RGL1: variants seen among roughly 807,000 people sequenced by gnomAD.
The protein encoded by RGL1 is ral guanine nucleotide dissociation stimulator like 1.
Under a neutral mutation model 95.2 loss-of-function variants are expected in RGL1, and 24 were observed. The observed-to-expected ratio is 0.25, with a 90% CI of 0.18 to 0.35. RGL1 has a LOEUF of 0.35. Ranked by LOEUF, RGL1 falls within the 10% of genes least tolerant of loss-of-function variation. The pLI is 1.00. For synonymous variants in RGL1, 329 were observed against 344.9 expected, an observed-to-expected ratio of 0.95 and a Z score of 0.51; for missense variants, 715 against 936.3, an observed-to-expected ratio of 0.76 and a Z score of 3.08.
chr1:183,755,986 C>A (rs10797906), intron 2 of RGL1, among the ~76,000 whole-genome samples: 2 of 150,708 alleles, frequency 1.3e-5, no homozygotes, highest in Admixed American at 6.6e-5. Flanking sequence ...CGGGTTCAAG[C>A]GAGTCTCCTG....
At chr1:183,767,769 A>G (rs1279530039) in intron 2 of RGL1, among the ~76,000 whole-genome samples, 2 of 152,306 alleles carry the variant, frequency 1.3e-5, no homozygotes, top group South Asian at 2.1e-4. Context: ...CCTGGCCAAC[A>G]TAGTGAAACC....
chr1:183,862,613 T>C (rs1046516028), intron 3 of RGL1, among the ~76,000 whole-genome samples: 11 of 152,268 alleles, frequency 7.2e-5, no homozygotes, highest in African/African-American at 2.7e-4. Context: ...TTAAAACTTT[T>C]ATGCTCCTAA....
At chr1:183,856,789 C>A (rs1332822186) in intron 3 of RGL1, among the ~76,000 whole-genome samples, 4 of 151,890 alleles carry the variant, frequency 2.6e-5, no homozygotes, top group Non-Finnish European at 5.9e-5. Flanking sequence ...GTGTGAAAAT[C>A]TTTGGGTATG....
At chr1:183,677,109 G>A (rs1211933665) in intron 1 of RGL1, among the ~76,000 whole-genome samples, 1 of 151,422 alleles carries the variant, frequency 6.6e-6, no homozygotes, top group African/African-American at 2.4e-5. Flanking sequence ...TTTACCTATT[G>A]TCCTGGCATA....
intron 2 of RGL1, among the ~76,000 whole-genome samples, chr1:183,838,537 G>A (rs2102509664): frequency 6.6e-6 from 1 of 152,310 alleles, no homozygotes; most frequent in East Asian, 1.9e-4. Flanking sequence ...AACTCTTGGG[G>A]CTCGTGTAGT....
intron 1 of RGL1, among the ~76,000 whole-genome samples, chr1:183,703,947 A>G (rs1654749981): frequency 6.6e-6 from 1 of 152,122 alleles, no homozygotes; most frequent in South Asian, 2.1e-4. Flanking sequence ...AAAGTTGTGG[A>G]GACTTTGGGG....
intron 3 of RGL1, among the ~76,000 whole-genome samples, chr1:183,857,422 T>C (rs114178685): frequency 0.023 from 3,551 of 152,298 alleles, 122 homozygotes; most frequent in African/African-American, 0.077. Context: ...AAGTTTGTAA[T>C]AATTTATTCC....
At chr1:183,788,410 A>G (rs1660283223) in intron 2 of RGL1, among the ~76,000 whole-genome samples, 1 of 152,212 alleles carries the variant, frequency 6.6e-6, no homozygotes, top group Non-Finnish European at 1.5e-5. Flanking sequence ...ATTAGATGAT[A>G]TCCACTTCCA....
At chr1:183,660,369 C>G (rs1651523377) in intron 1 of RGL1, among the ~76,000 whole-genome samples, 1 of 151,488 alleles carries the variant, frequency 6.6e-6, no homozygotes, top group Non-Finnish European at 1.5e-5. Flanking sequence ...AAAGATCTAC[C>G]AAGCAAATGC....
chr1:183,900,215 T>G lies in RGL1; in HGVS notation c.1296T>G (p.Thr432=), dbSNP rs1342447763. 1.9e-6 allele frequency: 3 copies of G among 1,613,804 alleles called. No individual in the cohort carries two copies. Among genetic ancestry groups the G allele is most frequent in the Non-Finnish European group, 2.5e-6 (3 of 1,179,838 alleles). Residue 432 remains threonine, a synonymous_variant, in exon 11 of 18, where the codon ACT becomes ACG. Coordinates refer to ENST00000360851, the MANE Select transcript of RGL1 (RefSeq NM_001297671.3). ...TFLTDLTMLD[T]ALQDYIEGGL... is the part of the protein sequence containing the mutation. ...TGACTGACCTGACCATGCTTGACACTGCCCTTCAGGACTACATCGAGGTGA... is the reference window on the plus strand; with the variant it reads ...TGACTGACCTGACCATGCTTGACACGGCCCTTCAGGACTACATCGAGGTGA...
In RGL1 at chr1:183,655,391, G is replaced by A. The variant is rs541671384; in HGVS notation, c.-33+18890G>A. On this transcript the variant is annotated intron_variant, in intron 1 of 18. Coordinates refer to the RGL1 transcript ENST00000304685. Reference sequence around the variant, plus strand: ...TTTTATTTGAACCTACTGTACCCAAGTAATTATATAATTCATCACTTTAGT... The same window carrying A: ...TTTTATTTGAACCTACTGTACCCAAATAATTATATAATTCATCACTTTAGT... Among the ~76,000 whole-genome samples, 9 of 152,338 alleles carry A rather than the reference G, an allele frequency of 5.9e-5. No individual in the cohort carries two copies. In the East Asian group the frequency reaches 1.2e-3, roughly 20 times the overall value.
chr1:183,914,262 G>A (rs1486398911), intron 15 of RGL1, among the ~76,000 whole-genome samples: 1 of 152,214 alleles, frequency 6.6e-6, no homozygotes, highest in Non-Finnish European at 1.5e-5. Context: ...CAGAAGCCCA[G>A]TGTGCTTTCT....
At chr1:183,675,774 A>C (rs1410161393) in intron 1 of RGL1, among the ~76,000 whole-genome samples, 1 of 152,176 alleles carries the variant, frequency 6.6e-6, no homozygotes, top group African/African-American at 2.4e-5. Flanking sequence ...TGGGGACCAT[A>C]AAGAGCAGTA....
intron 1 of RGL1, among the ~76,000 whole-genome samples, chr1:183,682,227 C>T (rs185396077): frequency 1.3e-5 from 2 of 152,214 alleles, no homozygotes; most frequent in East Asian, 1.9e-4. Context: ...AATTTGTTTG[C>T]TCCTGCTTCT....
At chr1:183,720,281 C>G (rs941819542) in intron 1 of RGL1, among the ~76,000 whole-genome samples, 2 of 152,194 alleles carry the variant, frequency 1.3e-5, no homozygotes, top group African/African-American at 4.8e-5. Context: ...TGAAAGTACA[C>G]AGCTTGTCTG....
chr1:183,816,988 CA>C (rs1276291728), intron 2 of RGL1, among the ~76,000 whole-genome samples: 3 of 152,186 alleles, frequency 2.0e-5, no homozygotes, highest in South Asian at 2.1e-4. Flanking sequence ...AAGACAAATG[CA>C]GTGGATATTT....
chr1:183,908,968 A>G (rs1004455435), intron 14 of RGL1, among the ~76,000 whole-genome samples: 4 of 152,172 alleles, frequency 2.6e-5, no homozygotes, highest in Admixed American at 6.5e-5. Flanking sequence ...CTTCACTGAC[A>G]CAGACAAGTG....
At chr1:183,805,989 T>TACAAAAAA (rs1661295837) in intron 1 of RGL1, among the ~76,000 whole-genome samples, 1 of 64,512 alleles carries the variant, frequency 1.6e-5, no homozygotes, top group Non-Finnish European at 2.9e-5. Flanking sequence ...TTTTTTTTTT[T>TACAAAAAA]TTTTTTTTTT....
chr1:183,679,374 C>T (rs1258012862), intron 1 of RGL1, among the ~76,000 whole-genome samples: 1 of 151,930 alleles, frequency 6.6e-6, no homozygotes, highest in East Asian at 1.9e-4. Flanking sequence ...TCTCCTAATG[C>T]TATCCCTCCC....
Sources: gnomAD v4.1 joint callset for allele counts (sites outside exome capture counted in the v4.1 genomes callset) on GRCh38, gnomAD v4.1.1 for gene constraint, MANE v1.5 for transcripts, NCBI Gene and HGNC (gene_info 2026-07-23, HGNC 2026-07-21) for gene names.